Variants in RNF157 observed in about 807,000 individuals in gnomAD.
RNF157 encodes E3 ubiquitin ligase RNF157.
In RNF157, 55 loss-of-function variants were observed where a neutral mutation model predicts 88.3. The observed-to-expected ratio is 0.62, with a 90% CI of 0.50 to 0.78. The LOEUF is 0.78. Ranked by LOEUF, RNF157 falls within the 30% of genes least tolerant of loss-of-function variation. The pLI is 0.00. For synonymous variants in RNF157, 334 were observed against 341.2 expected (o/e 0.98, Z 0.23); for missense variants, 788 against 860.8 (o/e 0.92, Z 1.06).
At chr17:76,165,320 C>T (rs948529410) in intron 7 of RNF157, among the ~76,000 whole-genome samples, 182 bp downstream of exon 7, 1 of 152,166 alleles carries the variant, frequency 6.6e-6, no homozygotes, top group African/African-American at 2.4e-5. Flanking sequence ...CAGAGCCTCA[C>T]TCTATCGCCC....
chr17:76,186,426 G>C (rs2069288610), intron 2 of RNF157, among the ~76,000 whole-genome samples: 1 of 152,076 alleles, frequency 6.6e-6, no homozygotes, highest in Non-Finnish European at 1.5e-5. Flanking sequence ...AGAAACACTT[G>C]AACTGAGGAG....
intron 1 of RNF157, among the ~76,000 whole-genome samples, chr17:76,215,474 G>GAA (rs1052531074): frequency 2.2e-5 from 1 of 44,452 alleles, no homozygotes; most frequent in Non-Finnish European, 4.9e-5. Flanking sequence ...CCCTCTCTAA[G>GAA]AAAAAAAAAA....
At chr17:76,178,194 C>T (rs553268870) in intron 2 of RNF157, among the ~76,000 whole-genome samples, 15 of 152,362 alleles carry the variant, frequency 9.8e-5, no homozygotes, top group South Asian at 4.1e-4. Context: ...TGTGGCCCGT[C>T]GGGGAGCCCA....
chr17:76,206,203 C>G (rs1471059774), intron 2 of RNF157, among the ~76,000 whole-genome samples: 1 of 151,988 alleles, frequency 6.6e-6, no homozygotes, highest in African/African-American at 2.4e-5. Context: ...TGTACCTCAG[C>G]TTGGGCAACA....
At chr17:76,166,913 A>G (rs907509252) in intron 5 of RNF157, 96 bp downstream of exon 5, 4 of 758,684 alleles carry the variant, frequency 5.3e-6, no homozygotes, top group African/African-American at 5.2e-5. Flanking sequence ...ATGGCCTTCA[A>G]GCATCCGAGC....
In RNF157 at chr17:76,145,027, C is replaced by T. The variant is rs563383791; in HGVS notation, c.*208G>A. On this transcript the variant is annotated 3_prime_UTR_variant, in exon 19 of 19. Transcript: ENST00000269391. ...TCCCTGCAAAAGGTCTCGTGAGCTG[C>T]AGTTCATTGAGTGGCTTTAGGTCAC... The T allele has an allele frequency of 4.6e-5, 24 of 524,782 alleles. No homozygotes were observed. In the South Asian group the frequency reaches 6.8e-4, roughly 15 times the overall value. The allele number at this position is 524,782 out of a possible 1,614,324, so 32.5% of individuals were successfully genotyped here.
chr17:76,237,218 A>C (rs1033830315), intron 1 of RNF157, among the ~76,000 whole-genome samples: 1 of 152,250 alleles, frequency 6.6e-6, no homozygotes, highest in African/African-American at 2.4e-5. Flanking sequence ...CAATGTGCAT[A>C]CAAAACTAAG....
At chr17:76,164,680 G>A in intron 8 of RNF157, 68 bp downstream of exon 8, 1 of 886,364 alleles carries the variant, frequency 1.1e-6, no homozygotes, top group Admixed American at 2.4e-5. Flanking sequence ...GGAGAGAGAA[G>A]AAGAAAGGAA....
At position 76,158,616 on chromosome 17, in the gene RNF157, G is replaced by GACA. The variant is rs2068802871; in HGVS notation, c.1305-118_1305-116dup. On this transcript the variant is annotated intron_variant, in intron 12 of 18. Transcript: ENST00000269391. ...TATTTTTTGCTTGTTTATTTTTTGAGACAGCATCTCATTATGTTTCCCAGG... is the reference window on the plus strand; with the variant it reads ...TATTTTTTGCTTGTTTATTTTTTGAGACAACAGCATCTCATTATGTTTCCCAGG... 1.0e-5 allele frequency: 7 copies of GACA among 691,688 alleles called. No homozygotes were observed. In the Admixed American group the frequency reaches 1.5e-4, roughly 15 times the overall value. 42.8% of individuals were successfully genotyped at this position (691,688 alleles called of 1,614,324 possible).
chr17:76,193,822 G>C (rs904698867), intron 2 of RNF157, among the ~76,000 whole-genome samples: 1 of 152,146 alleles, frequency 6.6e-6, no homozygotes, highest in African/African-American at 2.4e-5. Flanking sequence ...TGAGGCTGCC[G>C]CACCCATAGT....
chr17:76,212,063 G>T (rs1249413230), intron 2 of RNF157: 2 of 184,152 alleles, frequency 1.1e-5, no homozygotes, highest in African/African-American at 5.1e-5. Flanking sequence ...GTGCCATGAA[G>T]AAAAAAAAAA....
intron 1 of RNF157, among the ~76,000 whole-genome samples, chr17:76,232,455 T>C (rs927693833): frequency 1.3e-5 from 2 of 152,176 alleles, no homozygotes; most frequent in Non-Finnish European, 2.9e-5. Context: ...TATATGACTG[T>C]ACCATGAAAT....
intron 2 of RNF157, among the ~76,000 whole-genome samples, chr17:76,194,083 A>G (rs2069432628): frequency 1.3e-5 from 2 of 152,294 alleles, no homozygotes; most frequent in South Asian, 4.1e-4. Flanking sequence ...ATCAAGGTAT[A>G]ATTTATATAC....
intron 3 of RNF157, among the ~76,000 whole-genome samples, chr17:76,172,826 T>C (rs2069038565): frequency 2.0e-5 from 3 of 151,934 alleles, no homozygotes; most frequent in Admixed American, 6.6e-5. Flanking sequence ...AGACATATCA[T>C]CTAGGGGTGG....
intron 1 of RNF157, chr17:76,225,861 T>C: frequency 6.2e-7 from 1 of 1,612,968 alleles, no homozygotes; most frequent in Non-Finnish European, 8.5e-7. Context: ...GCCTCGTTCT[T>C]CTTTTCCAGC....
At chr17:76,200,857 G>A (rs185095983) in intron 2 of RNF157, among the ~76,000 whole-genome samples, 73 of 152,148 alleles carry the variant, frequency 4.8e-4, no homozygotes, top group African/African-American at 1.5e-3. Context: ...GTTTCTAAAG[G>A]TGAATTACTG....
chr17:76,165,488 C>T lies in RNF157; in HGVS notation c.672+14G>A. 1 of 1,613,942 alleles carries T rather than the reference C, an allele frequency of 6.2e-7. No homozygotes were observed. Among genetic ancestry groups the T allele is most frequent in the Non-Finnish European group, 8.5e-7 (1 of 1,179,848 alleles). On this transcript the variant is annotated intron_variant, in intron 7 of 18. Transcript: ENST00000269391. ...GCTAAAGGCAATAAAGCGAGGCCCTCTAAAGTCACTCACCTTCTCAAAAGT... is the reference window on the plus strand; with the variant it reads ...GCTAAAGGCAATAAAGCGAGGCCCTTTAAAGTCACTCACCTTCTCAAAAGT...
intron 2 of RNF157, among the ~76,000 whole-genome samples, chr17:76,180,864 AG>A (rs2069177744): frequency 6.6e-6 from 1 of 152,180 alleles, no homozygotes; most frequent in Non-Finnish European, 1.5e-5. Context: ...GCTCTAGTTT[AG>A]GTATGCTCTT....
intron 2 of RNF157, among the ~76,000 whole-genome samples, chr17:76,189,811 G>C (rs1360787613): frequency 6.8e-6 from 1 of 147,586 alleles, no homozygotes; most frequent in Non-Finnish European, 1.5e-5. Flanking sequence ...GCTGGTTCTG[G>C]GTTTGTTGGG....
Sources: allele counts gnomAD v4.1 joint callset (sites outside exome capture counted in the v4.1 genomes callset), GRCh38; gene constraint gnomAD v4.1.1; transcripts MANE v1.5; gene names NCBI Gene and HGNC (gene_info 2026-07-23, HGNC 2026-07-21).